Variants in IFIT2 observed in about 807,000 individuals in gnomAD.
The protein encoded by IFIT2 is interferon induced protein with tetratricopeptide repeats 2.
IFIT2 carries 3 observed loss-of-function variants against 2.5 expected under a neutral mutation model. The observed-to-expected ratio is 1.21, with a 90% CI of 0.55 to 3.14. IFIT2 has a LOEUF of 3.14. IFIT2 is among the 30% of genes most tolerant of loss of function. IFIT2 has a pLI of 0.03. For synonymous variants in IFIT2, 212 were observed against 200.7 expected, an observed-to-expected ratio of 1.06 and a Z score of -0.48; for missense variants, 493 against 558.9, an observed-to-expected ratio of 0.88 and a Z score of 1.19.
In IFIT2 at chr10:89,307,164, A is replaced by G. The variant is rs779912064; in HGVS notation, c.1208A>G (p.Gln403Arg). Residue 403 changes from glutamine to arginine, a missense_variant, in exon 2 of 2, where the codon CAG (glutamine) becomes CGG (arginine). Gln to Arg is a conservative substitution (Grantham distance 43). Coordinates refer to ENST00000371826, the MANE Select transcript of IFIT2 (RefSeq NM_001547.5). ...HHFIEGVKIN[Q>R]KSREKEKMKD... is the part of the protein sequence containing the mutation. ...TTTATAGAGGGTGTAAAAATAAACC[A>G]GAAATCAAGGGAGAAAGAAAAGATG... 6.2e-7 allele frequency: 1 copy of G among 1,614,046 alleles called. No individual in the cohort carries two copies. The highest frequency in any genetic ancestry group is 8.5e-7 in the Non-Finnish European group (1 of 1,179,940).
rs772185964 is a variant in IFIT2, at chr10:89,306,645, G to A, written c.689G>A (p.Gly230Asp). ...ATGCGTGAAGAAGGTGAAGAGGAAG[G>A]TGAAGGAGAGAAGTTAGTTGAAGAA... ...HKMREEGEEE[G>D]EGEKLVEEAL... The change falls in exon 2 of 2, where the codon GGT becomes GAT. Residue 230 changes from glycine (G) to aspartate (D), a missense_variant. Gly to Asp is a moderately conservative substitution (Grantham distance 94, BLOSUM62 -1). Coordinates refer to ENST00000371826, the MANE Select transcript of IFIT2 (RefSeq NM_001547.5). The A allele has an allele frequency of 1.9e-6, 3 of 1,614,126 alleles. No homozygotes were observed. The highest frequency in any genetic ancestry group is 2.5e-6 in the Non-Finnish European group (3 of 1,179,972).
intron 1 of IFIT2, among the ~76,000 whole-genome samples, chr10:89,304,529 A>G (rs1360949347): frequency 2.0e-5 from 3 of 152,132 alleles, no homozygotes; most frequent in East Asian, 3.8e-4. Flanking sequence ...CCAGATATCT[A>G]TTGGTTGTAT....
At position 89,306,717 on chromosome 10, in the gene IFIT2, C is replaced by T. The variant is rs779315161; in HGVS notation, c.761C>T (p.Ala254Val). Residue 254 changes from alanine to valine, a missense_variant, in exon 2 of 2, where the codon GCC (alanine) becomes GTC (valine). Ala to Val is a moderately conservative substitution (Grantham distance 64). Transcript: ENST00000371826. ...PGVTDVLRSA[A>V]KFYRRKDEPD... ...GTAACAGATGTTCTTCGCAGTGCAG[C>T]CAAGTTTTATCGAAGAAAAGATGAG... 6.2e-7 allele frequency: 1 copy of T among 1,614,038 alleles called. No individual in the cohort carries two copies. Among genetic ancestry groups the T allele is most frequent in the Non-Finnish European group, 8.5e-7 (1 of 1,179,966 alleles).
intron 1 of IFIT2, 73 bp downstream of exon 1, chr10:89,302,201 T>C (rs1039331990): frequency 2.6e-6 from 4 of 1,531,602 alleles, no homozygotes; most frequent in African/African-American, 1.4e-5. Flanking sequence ...AGAAGCTATG[T>C]TCCCAAAGAG....
At chr10:89,305,272 A>C (rs1843471155) in intron 1 of IFIT2, among the ~76,000 whole-genome samples, 1 of 152,204 alleles carries the variant, frequency 6.6e-6, no homozygotes, top group South Asian at 2.1e-4. Flanking sequence ...TTCACAGAAA[A>C]AAATGAGAAT....
In IFIT2 at chr10:89,307,393, C is replaced by T; in HGVS notation, c.*18C>T. The T allele has an allele frequency of 6.4e-7, 1 of 1,558,200 alleles. No homozygotes were observed. The highest frequency in any genetic ancestry group is 8.7e-7 in the Non-Finnish European group (1 of 1,145,228). ...GGGAATGAAGAATAGAGATGTGGTG[C>T]CCACTAGGCTACTGCTGAAAGGGAG... On this transcript the variant is annotated 3_prime_UTR_variant, in exon 2 of 2. Transcript: ENST00000371826.
chr10:89,307,107 A>G lies in IFIT2; in HGVS notation c.1151A>G (p.Gln384Arg). The G allele has an allele frequency of 6.2e-7, 1 of 1,614,108 alleles. No homozygotes were observed. The highest frequency in any genetic ancestry group is 1.1e-5 in the South Asian group (1 of 91,090). The part of the protein sequence containing the change: ...HLRYGNFQLY[Q>R]MKCEDKAIHH... ...CGGTATGGCAACTTTCAGCTGTACCAAATGAAGTGTGAAGACAAGGCCATC... is the reference window on the plus strand; with the variant it reads ...CGGTATGGCAACTTTCAGCTGTACCGAATGAAGTGTGAAGACAAGGCCATC... Residue 384 changes from glutamine (Q) to arginine (R), a missense_variant, in exon 2 of 2, where the codon CAA (glutamine) becomes CGA (arginine). Transcript: ENST00000371826.
In IFIT2 at chr10:89,307,564, A is replaced by C; in HGVS notation, c.*189A>C. On this transcript the variant is annotated 3_prime_UTR_variant, in exon 2 of 2. Transcript: ENST00000371826. The stretch of plus-strand genomic sequence containing the variant: ...TTGAGAGAGCCCAAGGAGTTCTGGG[A>C]GAGGGACCAGATTGGGGGGTAGGTC... 1 of 523,032 alleles carries C rather than the reference A, an allele frequency of 1.9e-6. No individual in the cohort carries two copies. Among genetic ancestry groups the C allele is most frequent in the Non-Finnish European group, 3.4e-6 (1 of 296,194 alleles). 32.4% of individuals were successfully genotyped at this position (523,032 alleles called of 1,614,324 possible). A position where few individuals can be genotyped will look rare whatever the true frequency, so the allele number is the denominator to read the frequency against.
At position 89,306,157 on chromosome 10, in the gene IFIT2, C is replaced by T. The variant is rs376157774; in HGVS notation, c.201C>T (p.Asn67=). ...ATCTAAAGCACCTCAAAGGGCAAAACGAGGCAGCCCTGGAATGCTTACGTA... is the reference window on the plus strand; with the variant it reads ...ATCTAAAGCACCTCAAAGGGCAAAATGAGGCAGCCCTGGAATGCTTACGTA... ...LAYLKHLKGQ[N]EAALECLRKA... The change falls in exon 2 of 2, where the codon AAC becomes AAT. Residue 67 remains asparagine, a synonymous_variant. Coordinates refer to ENST00000371826, the MANE Select transcript of IFIT2 (RefSeq NM_001547.5). The T allele has an allele frequency of 6.3e-5, 101 of 1,614,082 alleles. No homozygotes were observed. The Middle Eastern group carries it at 6.6e-4, about 11-fold the overall frequency.
At position 89,306,420 on chromosome 10, in the gene IFIT2, A is replaced by C; in HGVS notation, c.464A>C (p.Glu155Ala). The C allele has an allele frequency of 6.2e-7, 1 of 1,614,174 alleles. No individual in the cohort carries two copies. The highest frequency in any genetic ancestry group is 8.5e-7 in the Non-Finnish European group (1 of 1,180,016). ...TRLKCGGNQN[E>A]RAKVCFEKAL... ...TTAAAGTGTGGAGGAAACCAAAATGAAAGAGCGAAGGTGTGCTTTGAGAAG... is the reference window on the plus strand; with the variant it reads ...TTAAAGTGTGGAGGAAACCAAAATGCAAGAGCGAAGGTGTGCTTTGAGAAG... The change falls in exon 2 of 2, where the codon GAA (glutamate) becomes GCA (alanine). Residue 155 changes from glutamate to alanine, a missense_variant. Transcript: ENST00000371826.
Position 89,306,590 on chromosome 10 carries a change from A to C in IFIT2, c.634A>C (p.Lys212Gln), listed in dbSNP as rs746342657. The C allele has an allele frequency of 5.0e-6, 8 of 1,613,952 alleles. No homozygotes were observed. The highest frequency in any genetic ancestry group is 6.8e-6 in the Non-Finnish European group (8 of 1,179,980). The change falls in exon 2 of 2, where the codon AAA (lysine) becomes CAA (glutamine). Residue 212 changes from lysine to glutamine, a missense_variant. Transcript: ENST00000371826. ...IRLNPDNQYL[K>Q]VLLALKLHKM... ...GCTGAATCCTGACAACCAGTACCTT[A>C]AAGTCCTCCTGGCTCTGAAGCTTCA...
At chr10:89,304,829 A>T (rs962346049) in intron 1 of IFIT2, among the ~76,000 whole-genome samples, 1 of 152,054 alleles carries the variant, frequency 6.6e-6, no homozygotes, top group Non-Finnish European at 1.5e-5. Flanking sequence ...GAGGACCAAC[A>T]CTAAAGGGAA....
Position 89,306,664 on chromosome 10 carries a change from T to G in IFIT2, c.708T>G (p.Val236=). Residue 236 remains valine (V), a synonymous_variant, in exon 2 of 2, where the codon GTT becomes GTG. Coordinates refer to ENST00000371826, the MANE Select transcript of IFIT2 (RefSeq NM_001547.5). ...AGGAAGGTGAAGGAGAGAAGTTAGT[T>G]GAAGAAGCCTTGGAGAAAGCCCCAG... ...GEEEGEGEKL[V]EEALEKAPGV... 6.2e-7 allele frequency: 1 copy of G among 1,614,088 alleles called. No individual in the cohort carries two copies. Among genetic ancestry groups the G allele is most frequent in the Non-Finnish European group, 8.5e-7 (1 of 1,179,966 alleles).
Position 89,306,473 on chromosome 10 carries a change from G to A in IFIT2, c.517G>A (p.Glu173Lys). The A allele has an allele frequency of 6.2e-7, 1 of 1,614,122 alleles. No homozygotes were observed. The highest frequency in any genetic ancestry group is 8.5e-7 in the Non-Finnish European group (1 of 1,180,002). Residue 173 changes from glutamate to lysine, a missense_variant, in exon 2 of 2, where the codon GAA becomes AAA. By Grantham distance (56) the Glu-to-Lys change is moderately conservative (BLOSUM62 1). Coordinates refer to ENST00000371826, the MANE Select transcript of IFIT2 (RefSeq NM_001547.5). Reference sequence around the variant, plus strand: ...TCTGGAAAAGAAGCCAAAGAACCCAGAATTCACCTCTGGACTGGCAATAGC... The same window carrying A: ...TCTGGAAAAGAAGCCAAAGAACCCAAAATTCACCTCTGGACTGGCAATAGC... ...KALEKKPKNP[E>K]FTSGLAIASY... is the part of the protein sequence containing the mutation.
intron 1 of IFIT2, among the ~76,000 whole-genome samples, chr10:89,304,263 A>C (rs1843463643): frequency 6.7e-6 from 1 of 148,538 alleles, no homozygotes; most frequent in Non-Finnish European, 1.5e-5. Context: ...AACTAACCCC[A>C]GGTGCGGGAG....
chr10:89,304,606 A>C (rs1458718389), intron 1 of IFIT2, among the ~76,000 whole-genome samples: 3 of 152,230 alleles, frequency 2.0e-5, no homozygotes, highest in Non-Finnish European at 4.4e-5. Context: ...CCACGAAAAA[A>C]AAATTTAAAT....
In IFIT2 at chr10:89,306,004, A is replaced by G. The variant is rs1356504947; in HGVS notation, c.48A>G (p.Leu16=). 4 of 1,613,904 alleles carry G rather than the reference A, an allele frequency of 2.5e-6. No individual in the cohort carries two copies. In the Admixed American group the frequency reaches 6.7e-5, roughly 27 times the overall value. Residue 16 remains leucine, a synonymous_variant, in exon 2 of 2, where the codon CTA becomes CTG. Transcript: ENST00000371826. ...KNSLESSLRQ[L]KCHFTWNLME... ...CCTTGGAGAGCAGCCTACGGCAACTAAAATGCCATTTCACCTGGAACTTGA... is the reference window on the plus strand; with the variant it reads ...CCTTGGAGAGCAGCCTACGGCAACTGAAATGCCATTTCACCTGGAACTTGA...
In IFIT2 at chr10:89,302,049, A is replaced by T. The variant is rs1337693879; in HGVS notation, c.-75A>T. 26 of 1,568,034 alleles carry T rather than the reference A, an allele frequency of 1.7e-5. No individual in the cohort carries two copies. Among genetic ancestry groups the T allele is most frequent in the Non-Finnish European group, 1.8e-6 (2 of 1,138,708 alleles). ...GGTCTCTTCAGCATTTATTGGTGGCAGAAGAGGAAGATTTCTGAAGAGTGC... is the reference window on the plus strand; with the variant it reads ...GGTCTCTTCAGCATTTATTGGTGGCTGAAGAGGAAGATTTCTGAAGAGTGC... On this transcript the variant is annotated 5_prime_UTR_variant, in exon 1 of 2. Transcript: ENST00000371826.
In IFIT2 at chr10:89,302,180, T is replaced by A. The variant is rs771920017; in HGVS notation, c.5+52T>A. 15 of 1,600,602 alleles carry A rather than the reference T, an allele frequency of 9.4e-6. No individual in the cohort carries two copies. The Admixed American group carries it at 2.2e-4, about 23-fold the overall frequency. On this transcript the variant is annotated intron_variant, in intron 1 of 1. Coordinates refer to ENST00000371826, the MANE Select transcript of IFIT2 (RefSeq NM_001547.5). ...AGTGCTGTTGAGTCATCTTGTCCAATGCAAATCCTGAGAAGCTATGTTCCC... is the reference window on the plus strand; with the variant it reads ...AGTGCTGTTGAGTCATCTTGTCCAAAGCAAATCCTGAGAAGCTATGTTCCC...
Sources: gnomAD v4.1 joint callset for allele counts (sites outside exome capture counted in the v4.1 genomes callset) on GRCh38, gnomAD v4.1.1 for gene constraint, MANE v1.5 for transcripts, NCBI Gene and HGNC (gene_info 2026-07-23, HGNC 2026-07-21) for gene names.